The following CENPF variants were observed in gnomAD, a reference collection of about 807,000 sequenced individuals.
CENPF encodes centromere protein F, also known as AH antigen.
A neutral mutation model predicts 307.3 loss-of-function variants in CENPF; 214 were observed. That is an observed-to-expected ratio of 0.70 (90% confidence interval 0.62 to 0.78). The LOEUF (loss-of-function observed/expected upper bound fraction) is 0.78, where lower values mean the gene tolerates loss of function less well. Ranked by LOEUF, CENPF falls within the 30% of genes least tolerant of loss-of-function variation. The pLI, the probability that CENPF is intolerant of heterozygous loss-of-function variation, is 0.00. For synonymous variants in CENPF, 1,259 were observed against 1,270.6 expected (o/e 0.99, Z 0.19); for missense variants, 3,401 against 3,483.9 (o/e 0.98, Z 0.60).
At chr1:214,608,244 G>T in intron 1 of CENPF, 1 of 1,461,638 alleles carries the variant, frequency 6.8e-7, no homozygotes, top group Non-Finnish European at 9.2e-7. Flanking sequence ...AGGGAAGCCC[G>T]CCCCCCGGCC....
chr1:214,615,311 A>G (rs1657305999), intron 3 of CENPF: 1 of 201,260 alleles, frequency 5.0e-6, no homozygotes, highest in Non-Finnish European at 1.0e-5. Flanking sequence ...AAGCTGTACC[A>G]TGATTCAGAC....
chr1:214,620,843 A>T lies in CENPF; in HGVS notation c.762A>T (p.Pro254=). The T allele has an allele frequency of 1.2e-6, 2 of 1,614,248 alleles. No homozygotes were observed. The highest frequency in any genetic ancestry group is 4.5e-5 in the East Asian group (2 of 44,884). ...TTTCTGGGGAACAAGAGGTGACTCC[A>T]AGTCGATCAACTTTGCAAATAGGGA... ...SYFSGEQEVT[P]SRSTLQIGKR... is the part of the protein sequence containing the mutation. Residue 254 remains proline (P), a synonymous_variant, in exon 6 of 20, where the codon CCA becomes CCT. Coordinates refer to ENST00000366955, the MANE Select transcript of CENPF (RefSeq NM_016343.4).
intron 19 of CENPF, among the ~76,000 whole-genome samples, chr1:214,662,535 A>G (rs1001353053): frequency 1.3e-5 from 2 of 152,160 alleles, no homozygotes; most frequent in African/African-American, 2.4e-5. Context: ...TTCTTGCATC[A>G]GAAGGAGATC....
At chr1:214,612,531 G>A (rs1657227234) in intron 1 of CENPF, among the ~76,000 whole-genome samples, 1 of 152,074 alleles carries the variant, frequency 6.6e-6, no homozygotes, top group East Asian at 1.9e-4. Context: ...TTGGAAACCA[G>A]GGGTACAGAC....
intron 7 of CENPF, among the ~76,000 whole-genome samples, chr1:214,626,756 C>G (rs1183061111): frequency 1.3e-5 from 2 of 152,132 alleles, no homozygotes; most frequent in Non-Finnish European, 2.9e-5. Flanking sequence ...TTTGTAAAGG[C>G]TTTAGCATAG....
At position 214,656,909 on chromosome 1, in the gene CENPF, G is replaced by T. The variant is rs181019579; in HGVS notation, c.8486-24G>T. 3.3e-3 allele frequency: 4,761 copies of T among 1,457,132 alleles called. 12 individuals are homozygous for T. The highest frequency in any genetic ancestry group is 4.1e-3 in the Non-Finnish European group (4,376 of 1,067,140). 90.3% of individuals were successfully genotyped at this position (1,457,132 alleles called of 1,614,324 possible). ...ACTAGAGAAGCATCAAGTTGCACAT[G>T]ATGTGTTGCTTTACTTTGGACAGGT... On this transcript the variant is annotated intron_variant, in intron 17 of 19. Transcript: ENST00000366955.
At chr1:214,609,565 T>C (rs561145838) in intron 1 of CENPF, among the ~76,000 whole-genome samples, 1 of 152,318 alleles carries the variant, frequency 6.6e-6, no homozygotes, top group East Asian at 1.9e-4. Context: ...CCTGAAAACC[T>C]TATGGCAAAA....
Position 214,663,589 on chromosome 1 carries a change from A to C in CENPF, c.9142-2A>C, listed in dbSNP as rs1327142860. The C allele has an allele frequency of 1.2e-6, 2 of 1,613,938 alleles. No homozygotes were observed. The highest frequency in any genetic ancestry group is 1.1e-5 in the South Asian group (1 of 91,044). On this transcript the variant is annotated splice_acceptor_variant, in intron 19 of 19. Coordinates refer to ENST00000366955, the MANE Select transcript of CENPF (RefSeq NM_016343.4). LOFTEE classifies it high-confidence loss of function. ...CCTCTAACAGAGATGTTTGTGTTGC[A>C]GGTCAAAGTTGCTCAGCGGAGCCCA...
At chr1:214,619,498 G>C (rs929621522) in intron 5 of CENPF, among the ~76,000 whole-genome samples, 8 of 152,270 alleles carry the variant, frequency 5.3e-5, no homozygotes, top group African/African-American at 1.9e-4. Context: ...CTAGCGATCA[G>C]GGCTATTCTT....
intron 9 of CENPF, among the ~76,000 whole-genome samples, chr1:214,630,871 C>T (rs1025795583): frequency 3.9e-5 from 6 of 152,128 alleles, no homozygotes; most frequent in Non-Finnish European, 7.3e-5. Context: ...ATTTCAGATC[C>T]GAAAGTCTGT....
chr1:214,646,623 C>A lies in CENPF; in HGVS notation c.7053C>A (p.Asn2351Lys), dbSNP rs766737817. The A allele has an allele frequency of 3.0e-5, 48 of 1,613,900 alleles. No individual in the cohort carries two copies. In the East Asian group the frequency reaches 1.0e-3, roughly 34 times the overall value. The part of the protein sequence containing the change: ...LERELEIART[N>K]QEHAALEAEN... ...GAGAGCTAGAGATAGCCAGGACAAACCAAGAGCATGCAGCTCTTGAGGCAG... is the reference window on the plus strand; with the variant it reads ...GAGAGCTAGAGATAGCCAGGACAAAACAAGAGCATGCAGCTCTTGAGGCAG... The change falls in exon 13 of 20, where the codon AAC (asparagine) becomes AAA (lysine). Residue 2351 changes from asparagine (N) to lysine (K), a missense_variant. Asn to Lys is a moderately conservative substitution (Grantham distance 94). Coordinates refer to ENST00000366955, the MANE Select transcript of CENPF (RefSeq NM_016343.4).
chr1:214,642,317 G>A lies in CENPF; in HGVS notation c.3979G>A (p.Glu1327Lys). 1.2e-6 allele frequency: 2 copies of A among 1,613,686 alleles called. No homozygotes were observed. The highest frequency in any genetic ancestry group is 1.7e-6 in the Non-Finnish European group (2 of 1,179,892). Residue 1327 changes from glutamate (E) to lysine (K), a missense_variant, in exon 12 of 20, where the codon GAA (glutamate) becomes AAA (lysine). Physicochemically the swap from Glu to Lys is moderately conservative, Grantham distance 56 (BLOSUM62 1). Transcript: ENST00000366955. ...AACTGAGCTGAATGATTCAAGGTCA[G>A]AATGTATCACAGCAACTAGGAAAAT... ...LVTELNDSRS[E>K]CITATRKMAE...
At position 214,646,523 on chromosome 1, in the gene CENPF, T is replaced by G; in HGVS notation, c.6953T>G (p.Leu2318Arg). 6.2e-7 allele frequency: 1 copy of G among 1,614,142 alleles called. No individual in the cohort carries two copies. Residue 2318 changes from leucine (L) to arginine (R), a missense_variant, in exon 13 of 20, where the codon CTC (leucine) becomes CGC (arginine). By Grantham distance (102) the Leu-to-Arg change is moderately radical. Coordinates refer to ENST00000366955, the MANE Select transcript of CENPF (RefSeq NM_016343.4). ...ARLEADEKKQ[L>R]CVLQQLKESE... The stretch of plus-strand genomic sequence containing the variant: ...CTAGAAGCTGATGAAAAGAAGCAGC[T>G]CTGTGTCTTACAACAACTGAAGGAA...
At chr1:214,620,453 T>C (rs2102537868) in intron 5 of CENPF, among the ~76,000 whole-genome samples, 1 of 152,340 alleles carries the variant, frequency 6.6e-6, no homozygotes, top group East Asian at 1.9e-4. Context: ...AGCTTATTCC[T>C]TCAATGCTAA....
chr1:214,656,823 A>T (rs1571728857), intron 17 of CENPF, 110 bp from the exon 18 acceptor site: 1 of 100,024 alleles, frequency 1.0e-5, no homozygotes, highest in Non-Finnish European at 1.5e-5. Context: ...CCAACCTCTT[A>T]AAAAAAAAAA....
intron 7 of CENPF, among the ~76,000 whole-genome samples, chr1:214,626,187 C>T (rs997872366): frequency 6.6e-6 from 1 of 152,020 alleles, no homozygotes; most frequent in African/African-American, 2.4e-5. Flanking sequence ...TCTTGATTTT[C>T]TTTTCATTCC....
chr1:214,607,142 G>A (rs1443206305), intron 1 of CENPF, among the ~76,000 whole-genome samples: 2 of 152,198 alleles, frequency 1.3e-5, no homozygotes, highest in Non-Finnish European at 2.9e-5. Flanking sequence ...TGGCAGCCAT[G>A]GTCAGTAGTG....
At position 214,642,180 on chromosome 1, in the gene CENPF, C is replaced by G; in HGVS notation, c.3842C>G (p.Thr1281Arg). The change falls in exon 12 of 20, where the codon ACA becomes AGA. Residue 1281 changes from threonine to arginine, a missense_variant. Physicochemically the swap from Thr to Arg is moderately conservative, Grantham distance 71 (BLOSUM62 -1). Coordinates refer to ENST00000366955, the MANE Select transcript of CENPF (RefSeq NM_016343.4). ...ATTTCAGGGCCTCATGAGTTGTCAA[C>G]AAGTCAAAACGACAATGCACACCTT... ...KYISGPHELS[T>R]SQNDNAHLQC... The G allele has an allele frequency of 6.2e-7, 1 of 1,614,126 alleles. No homozygotes were observed. Among genetic ancestry groups the G allele is most frequent in the Non-Finnish European group, 8.5e-7 (1 of 1,180,024 alleles).
intron 3 of CENPF, among the ~76,000 whole-genome samples, chr1:214,615,590 T>C (rs1468342423): frequency 1.3e-5 from 2 of 152,000 alleles, no homozygotes; most frequent in Admixed American, 6.6e-5. Flanking sequence ...CCAGTTGAGA[T>C]TGGAGACAGA....
Sources: gnomAD v4.1 joint callset for allele counts (sites outside exome capture counted in the v4.1 genomes callset) on GRCh38, gnomAD v4.1.1 for gene constraint, MANE v1.5 for transcripts, NCBI Gene and HGNC (gene_info 2026-07-23, HGNC 2026-07-21) for gene names.